Variants in DLGAP4 observed in about 807,000 individuals in gnomAD.
DLGAP4 encodes the protein disks large-associated protein 4.
In DLGAP4, 18 loss-of-function variants were observed where a neutral mutation model predicts 86.9. The observed-to-expected ratio is 0.21, with a 90% CI of 0.14 to 0.31. The LOEUF is 0.31. Ranked by LOEUF, DLGAP4 falls within the 10% of genes least tolerant of loss-of-function variation. The probability of loss-of-function intolerance (pLI) is 1.00; values close to 1 mark genes in which losing one functional copy is unlikely to be tolerated. For synonymous variants in DLGAP4, 548 were observed against 574.3 expected, an observed-to-expected ratio of 0.95 and a Z score of 0.65; for missense variants, 1,085 against 1,362.6, an observed-to-expected ratio of 0.80 and a Z score of 3.21.
intron 2 of DLGAP4, among the ~76,000 whole-genome samples, chr20:36,377,183 G>A (rs2031189607): frequency 6.6e-6 from 1 of 152,164 alleles, no homozygotes; most frequent in Admixed American, 6.5e-5. Flanking sequence ...AAAACCTTTT[G>A]GATACAAAGA....
Position 36,431,846 on chromosome 20 carries a change from G to A in DLGAP4, c.129G>A (p.Glu43=). 6.2e-7 allele frequency: 1 copy of A among 1,613,960 alleles called. No homozygotes were observed. The highest frequency in any genetic ancestry group is 8.5e-7 in the Non-Finnish European group (1 of 1,179,954). The change falls in exon 3 of 13, where the codon GAG becomes GAA. Residue 43 remains glutamate (E), a synonymous_variant. Transcript: ENST00000339266. This position sits in a 1 kb window ranked among gnomAD's most constrained non-coding sequence, Gnocchi z 5.1. The stretch of plus-strand genomic sequence containing the variant: ...CGCCCACGGAGGCCTTCGCCCGCGA[G>A]GCCCGCTTCCCCGGGCAGAACACCC... The part of the protein sequence containing the change: ...LLSPTEAFAR[E]ARFPGQNTLP...
intron 2 of DLGAP4, among the ~76,000 whole-genome samples, chr20:36,421,426 A>G (rs1181589899): frequency 6.6e-6 from 1 of 150,562 alleles, no homozygotes; most frequent in Non-Finnish European, 1.5e-5. Flanking sequence ...CAACTGTACT[A>G]TGGTCTGGGT....
chr20:36,472,542 C>G (rs2034717251), intron 7 of DLGAP4, among the ~76,000 whole-genome samples: 1 of 151,858 alleles, frequency 6.6e-6, no homozygotes, highest in Admixed American at 6.6e-5. Context: ...TAGTTCCTCC[C>G]TCCTATTTTA....
chr20:36,388,842 C>T (rs1313880109), intron 2 of DLGAP4, among the ~76,000 whole-genome samples: 1 of 152,222 alleles, frequency 6.6e-6, no homozygotes, highest in East Asian at 1.9e-4. Flanking sequence ...GTCACTGTTC[C>T]ATGCCTACCC....
At chr20:36,359,702 G>C (rs983970135) in intron 1 of DLGAP4, among the ~76,000 whole-genome samples, 12 of 152,232 alleles carry the variant, frequency 7.9e-5, no homozygotes, top group African/African-American at 2.9e-4. Flanking sequence ...GCAAGGACCT[G>C]CTATGAGGCA....
chr20:36,340,962 A>G (rs2147373713), intron 1 of DLGAP4, among the ~76,000 whole-genome samples: 1 of 152,120 alleles, frequency 6.6e-6, no homozygotes, highest in East Asian at 1.9e-4. Context: ...GGTCTCCCTG[A>G]GCACCTCCCA....
At chr20:36,360,084 T>C (rs2030465358) in intron 1 of DLGAP4, among the ~76,000 whole-genome samples, 2 of 152,232 alleles carry the variant, frequency 1.3e-5, no homozygotes, top group Non-Finnish European at 2.9e-5. Flanking sequence ...TCCTTGAACA[T>C]TTCCTGTCTA....
At chr20:36,433,407 A>G (rs2033180981) in intron 3 of DLGAP4, among the ~76,000 whole-genome samples, 1 of 152,200 alleles carries the variant, frequency 6.6e-6, no homozygotes, top group Admixed American at 6.5e-5. Flanking sequence ...CCAAGGCCAC[A>G]TGGCTTGAAA....
At chr20:36,396,758 G>A (rs2032014209) in intron 2 of DLGAP4, among the ~76,000 whole-genome samples, 1 of 151,936 alleles carries the variant, frequency 6.6e-6, no homozygotes, top group African/African-American at 2.4e-5. Context: ...CACCCTGAAG[G>A]CAGCCCTACT....
intron 7 of DLGAP4, among the ~76,000 whole-genome samples, chr20:36,478,969 G>A (rs1212832330): frequency 6.6e-6 from 1 of 152,144 alleles, no homozygotes; most frequent in East Asian, 1.9e-4. Flanking sequence ...AAAAACATCT[G>A]GCAACTGTGA....
intron 1 of DLGAP4, among the ~76,000 whole-genome samples, chr20:36,348,792 A>T (rs1292747775): frequency 1.3e-5 from 2 of 152,044 alleles, no homozygotes; most frequent in African/African-American, 4.8e-5. Context: ...TTATGATTTT[A>T]AAAATCAGGA....
At chr20:36,434,296 C>G (rs2033211012) in intron 3 of DLGAP4, among the ~76,000 whole-genome samples, 1 of 152,180 alleles carries the variant, frequency 6.6e-6, no homozygotes, top group Admixed American at 6.5e-5. Flanking sequence ...GCGCTGACTT[C>G]TTATCATCTT....
intron 4 of DLGAP4, among the ~76,000 whole-genome samples, chr20:36,439,010 G>A (rs1447752436): frequency 2.0e-5 from 3 of 152,140 alleles, no homozygotes; most frequent in Non-Finnish European, 2.9e-5. Flanking sequence ...TGACCAGTAG[G>A]CATTAAGGTG....
intron 7 of DLGAP4, among the ~76,000 whole-genome samples, chr20:36,453,953 A>AAAAG (rs1308462964): frequency 8.4e-4 from 125 of 148,082 alleles, no homozygotes; most frequent in Non-Finnish European, 1.3e-3. Context: ...AAAAAAAAAA[A>AAAAG]AAAGAAAGAA....
intron 7 of DLGAP4, chr20:36,462,387 G>T: frequency 1.6e-6 from 2 of 1,284,214 alleles, no homozygotes; most frequent in Non-Finnish European, 1.9e-6. Flanking sequence ...CGGTGGTCTC[G>T]CCACTCTGTG....
intron 2 of DLGAP4, among the ~76,000 whole-genome samples, chr20:36,402,166 G>T (rs554631557): frequency 2.0e-4 from 30 of 152,348 alleles, no homozygotes; most frequent in African/African-American, 7.2e-4. Flanking sequence ...CTGGCCCCAG[G>T]TTCCGTGCTA....
chr20:36,500,185 C>A lies in DLGAP4; in HGVS notation c.2100-14C>A. ...CTCCTTCCTGTCCCCACCCCATCCA[C>A]CCCCTACCCACAGAAGCAGCGTCCC... On this transcript the variant is annotated splice_polypyrimidine_tract_variant and intron_variant, in intron 9 of 12. Transcript: ENST00000339266. This position sits in a 1 kb window ranked among gnomAD's most constrained non-coding sequence, Gnocchi z 4.6. The A allele has an allele frequency of 6.6e-7, 1 of 1,516,576 alleles. No homozygotes were observed. Among genetic ancestry groups the A allele is most frequent in the Non-Finnish European group, 8.9e-7 (1 of 1,129,652 alleles). The allele number at this position is 1,516,576 out of a possible 1,614,324, so 93.9% of individuals were successfully genotyped here.
At chr20:36,467,019 TCTCTCTCTC>T (rs2034415794) in intron 7 of DLGAP4, among the ~76,000 whole-genome samples, 4 of 6,462 alleles carry the variant, frequency 6.2e-4, no homozygotes, top group African/African-American at 1.1e-3. Context: ...CTCTCTCTCC[TCTCTCTCTC>T]TCTCTCTCTC....
intron 7 of DLGAP4, among the ~76,000 whole-genome samples, chr20:36,472,408 C>T (rs186770915): frequency 1.1e-3 from 158 of 149,146 alleles, no homozygotes; most frequent in African/African-American, 3.7e-3. Context: ...GGGGCTAAGG[C>T]GAAAGGATCA....
Sources: gnomAD v4.1 joint callset for allele counts (sites outside exome capture counted in the v4.1 genomes callset) on GRCh38, gnomAD v4.1.1 for gene constraint, Gnocchi (gnomAD v3.1) non-coding constraint, MANE v1.5 for transcripts, NCBI Gene and HGNC (gene_info 2026-07-23, HGNC 2026-07-21) for gene names.